POLN: variants seen among roughly 807,000 people sequenced by gnomAD.
POLN encodes DNA polymerase nu, also known as DNA polymerase N.
POLN carries 108 observed loss-of-function variants against 113.5 expected under a neutral mutation model. That is an observed-to-expected ratio of 0.95 (90% CI 0.81 to 1.12). The LOEUF is 1.12. POLN is among the 50% of genes most tolerant of loss of function. The pLI is 0.00. For synonymous variants in POLN, 386 were observed against 391.5 expected (o/e 0.99, Z 0.17); for missense variants, 1,097 against 1,077.1 (o/e 1.02, Z -0.26).
chr4:2,196,768 G>A (rs1167681564), intron 6 of POLN, among the ~76,000 whole-genome samples: 1 of 152,138 alleles, frequency 6.6e-6, no homozygotes, highest in Non-Finnish European at 1.5e-5. Context: ...AAAAACCTTT[G>A]ATAATGTTGG....
In POLN at chr4:2,123,616, C is replaced by A. The variant is rs1376096853; in HGVS notation, c.1982+4497G>T. Among the ~76,000 whole-genome samples the A allele has an allele frequency of 2.1e-5, 3 of 140,974 alleles. No individual in the cohort carries two copies. The East Asian group carries it at 6.0e-4, about 28-fold the overall frequency. The allele number at this position is 140,974 out of a possible 152,430, so 92.5% of individuals were successfully genotyped here. On this transcript the variant is annotated intron_variant, in intron 19 of 25. Coordinates refer to ENST00000511885, the MANE Select transcript of POLN (RefSeq NM_181808.4). ...CTCCAGTCTGGGCGACAGGGTGAGA[C>A]CCTGTCTCAAAAAAAAAAAAAAAAA...
At chr4:2,090,942 G>A (rs1384619458) in intron 20 of POLN, among the ~76,000 whole-genome samples, 5 of 152,162 alleles carry the variant, frequency 3.3e-5, no homozygotes, top group African/African-American at 1.2e-4. Flanking sequence ...CAGATCCTCT[G>A]GTTGTCCAGA....
intron 5 of POLN, among the ~76,000 whole-genome samples, chr4:2,205,067 A>G (rs565003954): frequency 6.6e-6 from 1 of 152,326 alleles, no homozygotes; most frequent in African/African-American, 2.4e-5. Flanking sequence ...TCCTTTCAAT[A>G]TAGTATTGGA....
Position 2,242,086 on chromosome 4 carries a change from C to T in POLN, c.-319G>A. 1 of 985,890 alleles carries T rather than the reference C, an allele frequency of 1.0e-6. No homozygotes were observed. The highest frequency in any genetic ancestry group is 1.7e-5 in the African/African-American group (1 of 57,374). The allele number at this position is 985,890 out of a possible 1,614,324, so 61.1% of individuals were successfully genotyped here. The stretch of plus-strand genomic sequence containing the variant: ...TCCGCTTGCTTCTCGCAGGAGCCCG[C>T]CGCCACCGCCCTCCGTGCCCCGCGC... On this transcript the variant is annotated 5_prime_UTR_variant, in exon 1 of 26. Transcript: ENST00000511885.
chr4:2,236,215 G>T, intron 2 of POLN: 1 of 1,518,776 alleles, frequency 6.6e-7, no homozygotes, highest in East Asian at 2.3e-5. Context: ...TAACTACTAT[G>T]GCAAATACCC....
intron 2 of POLN, chr4:2,238,662 C>T: frequency 8.1e-6 from 13 of 1,612,968 alleles, no homozygotes; most frequent in Non-Finnish European, 1.1e-5. Flanking sequence ...TGTTGAGAAA[C>T]TGATGGATCT....
intron 21 of POLN, among the ~76,000 whole-genome samples, chr4:2,084,394 C>A (rs565752048): frequency 6.6e-6 from 1 of 152,220 alleles, no homozygotes; most frequent in Non-Finnish European, 1.5e-5. Flanking sequence ...GCCTCTGCTG[C>A]GGCTCTGTTC....
chr4:2,222,366 A>G (rs913641211), intron 3 of POLN, among the ~76,000 whole-genome samples: 1 of 151,916 alleles, frequency 6.6e-6, no homozygotes, highest in Non-Finnish European at 1.5e-5. Flanking sequence ...AGCATGGTGA[A>G]ACCCCATGTG....
intron 16 of POLN, among the ~76,000 whole-genome samples, chr4:2,148,274 AGCT>A (rs1401648697): frequency 6.6e-6 from 1 of 152,174 alleles, no homozygotes; most frequent in East Asian, 1.9e-4. Flanking sequence ...AGTCTCAGTG[AGCT>A]ATGGACAAAT....
chr4:2,078,811 C>T lies in POLN; in HGVS notation c.2387+2147G>A, dbSNP rs911172941. 33 of 985,368 alleles carry T rather than the reference C, an allele frequency of 3.3e-5. No homozygotes were observed. The African/African-American group carries it at 4.4e-4, about 13-fold the overall frequency. 61.0% of individuals were successfully genotyped at this position (985,368 alleles called of 1,614,324 possible). On this transcript the variant is annotated intron_variant, in intron 23 of 25. Transcript: ENST00000511885. Reference sequence around the variant, plus strand: ...CAGAAGGATGACCAGCGAGTAACTGCGTTCCTGAGTAAAAGTGTCTGTGTC... The same window carrying T: ...CAGAAGGATGACCAGCGAGTAACTGTGTTCCTGAGTAAAAGTGTCTGTGTC...
chr4:2,103,115 T>A (rs1204652287), intron 19 of POLN, among the ~76,000 whole-genome samples: 2 of 152,136 alleles, frequency 1.3e-5, no homozygotes, highest in Non-Finnish European at 2.9e-5. Flanking sequence ...TTCAAAATGC[T>A]GATTTTTAAA....
intron 19 of POLN, among the ~76,000 whole-genome samples, chr4:2,102,204 T>C (rs1730944102): frequency 6.6e-6 from 1 of 152,096 alleles, no homozygotes; most frequent in Non-Finnish European, 1.5e-5. Flanking sequence ...CACTTAACAC[T>C]GGGGGTCCAG....
At chr4:2,184,123 G>A (rs973375683) in intron 7 of POLN, among the ~76,000 whole-genome samples, 3 of 150,872 alleles carry the variant, frequency 2.0e-5, no homozygotes, top group South Asian at 4.2e-4. Context: ...CAAAGTGCTG[G>A]GATTACAGAC....
chr4:2,071,936 A>C lies in POLN; in HGVS notation c.*178T>G. The C allele has an allele frequency of 2.1e-5, 16 of 759,884 alleles. No homozygotes were observed. The highest frequency in any genetic ancestry group is 2.8e-5 in the Non-Finnish European group (12 of 433,398). The allele number at this position is 759,884 out of a possible 1,614,324, so 47.1% of individuals were successfully genotyped here. A position where few individuals can be genotyped will look rare whatever the true frequency, so the allele number is the denominator to read the frequency against. On this transcript the variant is annotated 3_prime_UTR_variant, in exon 26 of 26. Transcript: ENST00000511885. This position sits in a 1 kb window ranked among gnomAD's most constrained non-coding sequence, Gnocchi z 5.2. ...GACGCGGCACTTCCCACTCACAGGA[A>C]GAATTCACTCAGACAAGGATGAGGA... is the stretch of plus-strand genomic sequence containing the variant.
chr4:2,186,684 C>T (rs143479369), intron 7 of POLN, among the ~76,000 whole-genome samples: 2 of 152,228 alleles, frequency 1.3e-5, no homozygotes, highest in South Asian at 2.1e-4. Context: ...AACAAAAAAA[C>T]GAATCCTTCA....
rs1287497986 is a variant in POLN, at chr4:2,147,641, TTC to T, written c.1731+9145_1731+9146del. 1.4e-3 allele frequency among the ~76,000 whole-genome samples: 90 copies of T among 63,692 alleles called. 3 individuals carry two copies. Among genetic ancestry groups the T allele is most frequent in the Non-Finnish European group, 2.8e-3 (55 of 19,444 alleles). The allele number at this position is 63,692 out of a possible 152,430, so 41.8% of individuals were successfully genotyped here. The stretch of plus-strand genomic sequence containing the variant: ...GTAGATCAGACATCCAGTTTTTCTT[TTC>T]TTTTTTTTTTTTTTTTGAGACAAAG... On this transcript the variant is annotated intron_variant, in intron 16 of 25. Coordinates refer to ENST00000511885, the MANE Select transcript of POLN (RefSeq NM_181808.4).
intron 16 of POLN, among the ~76,000 whole-genome samples, chr4:2,149,800 A>G (rs1014089484): frequency 3.3e-5 from 5 of 151,680 alleles, no homozygotes; most frequent in African/African-American, 9.7e-5. Context: ...AGAGAGAGAG[A>G]GGGCCGGGCG....
intron 2 of POLN, chr4:2,240,677 C>A (rs1191919314): frequency 6.2e-7 from 1 of 1,614,030 alleles, no homozygotes; most frequent in African/African-American, 1.3e-5. Flanking sequence ...GTCTAGGTGT[C>A]TTCAAATCAG....
intron 19 of POLN, among the ~76,000 whole-genome samples, chr4:2,101,149 A>G (rs1644582667): frequency 6.8e-6 from 1 of 146,800 alleles, no homozygotes; most frequent in South Asian, 2.2e-4. Context: ...CCTAAACATG[A>G]AAAAAAAAAA....
Sources: gnomAD v4.1 joint callset for allele counts (sites outside exome capture counted in the v4.1 genomes callset) on GRCh38, gnomAD v4.1.1 for gene constraint, Gnocchi (gnomAD v3.1) non-coding constraint, MANE v1.5 for transcripts, NCBI Gene and HGNC (gene_info 2026-07-23, HGNC 2026-07-21) for gene names.